The following GALNTL6 variants were observed in gnomAD, a reference collection of about 807,000 sequenced individuals.
GALNTL6 encodes polypeptide N-acetylgalactosaminyltransferase-like 6.
Under a neutral mutation model 73.7 loss-of-function variants are expected in GALNTL6, and 46 were observed. The ratio of observed to expected loss-of-function variants is 0.62; its 90% confidence interval spans 0.49 to 0.80. The LOEUF (loss-of-function observed/expected upper bound fraction) is 0.80. Ranked by LOEUF, GALNTL6 falls within the 30% of genes least tolerant of loss-of-function variation. The pLI, the probability that GALNTL6 is intolerant of heterozygous loss-of-function variation, is 0.00. For synonymous variants in GALNTL6, 259 were observed against 263.7 expected (o/e 0.98, Z 0.17); for missense variants, 604 against 755.0 (o/e 0.80, Z 2.34).
chr4:172,924,189 C>G (rs981842092), intron 8 of GALNTL6, among the ~76,000 whole-genome samples: 3 of 152,158 alleles, frequency 2.0e-5, no homozygotes, highest in Admixed American at 2.0e-4. Flanking sequence ...TTCAGCAGCC[C>G]GCTCTGCCTC....
chr4:171,852,140 A>G (rs1245605704), intron 2 of GALNTL6, among the ~76,000 whole-genome samples: 2 of 152,220 alleles, frequency 1.3e-5, no homozygotes, highest in African/African-American at 4.8e-5. Context: ...TGAAATACAT[A>G]CAGACTCAAA....
At chr4:171,974,832 A>G (rs1560866903) in intron 2 of GALNTL6, among the ~76,000 whole-genome samples, 1 of 152,198 alleles carries the variant, frequency 6.6e-6, no homozygotes, top group South Asian at 2.1e-4. Flanking sequence ...TCATTCATTC[A>G]TCATTTTTAG....
intron 5 of GALNTL6, among the ~76,000 whole-genome samples, chr4:172,397,101 T>C (rs335991): frequency 6.6e-6 from 1 of 152,032 alleles, no homozygotes; most frequent in South Asian, 2.1e-4. Flanking sequence ...TATATATATA[T>C]GTGTTTGTTC....
intron 2 of GALNTL6, among the ~76,000 whole-genome samples, chr4:172,172,967 G>T (rs1734880483): frequency 6.6e-6 from 1 of 152,174 alleles, no homozygotes; most frequent in Non-Finnish European, 1.5e-5. Context: ...TTAACGGGAG[G>T]TCAAGTTCTC....
At chr4:172,684,664 G>T (rs759772602) in intron 5 of GALNTL6, among the ~76,000 whole-genome samples, 3 of 152,194 alleles carry the variant, frequency 2.0e-5, no homozygotes, top group Non-Finnish European at 4.4e-5. Flanking sequence ...AACAGATGGA[G>T]TCAAGACTGA....
intron 5 of GALNTL6, among the ~76,000 whole-genome samples, chr4:172,752,384 AT>A (rs1457903526): frequency 2.0e-5 from 3 of 152,056 alleles, no homozygotes; most frequent in Admixed American, 6.6e-5. Flanking sequence ...TACTTCCTTC[AT>A]TTTTTCCCCT....
At chr4:173,029,867 C>T (rs1753384375) in intron 12 of GALNTL6, among the ~76,000 whole-genome samples, 1 of 152,144 alleles carries the variant, frequency 6.6e-6, no homozygotes, top group African/African-American at 2.4e-5. Flanking sequence ...TTTGTTTCAT[C>T]CACAGATTGG....
chr4:172,915,147 C>A (rs1348455773), intron 8 of GALNTL6, among the ~76,000 whole-genome samples: 1 of 152,186 alleles, frequency 6.6e-6, no homozygotes, highest in Non-Finnish European at 1.5e-5. Context: ...TCCTGAATGA[C>A]TACTGGGTAC....
At chr4:172,168,086 G>A (rs1734689674) in intron 2 of GALNTL6, among the ~76,000 whole-genome samples, 1 of 152,070 alleles carries the variant, frequency 6.6e-6, no homozygotes, top group African/African-American at 2.4e-5. Context: ...CACATTTGGT[G>A]AGAACTCTAT....
At chr4:172,083,313 T>A (rs867575326) in intron 2 of GALNTL6, among the ~76,000 whole-genome samples, 3 of 152,280 alleles carry the variant, frequency 2.0e-5, no homozygotes, top group African/African-American at 7.2e-5. Context: ...TTTATACATA[T>A]TAGATCCTGT....
At chr4:172,300,664 A>G (rs1033369579) in intron 3 of GALNTL6, among the ~76,000 whole-genome samples, 6 of 152,146 alleles carry the variant, frequency 3.9e-5, no homozygotes, top group Admixed American at 2.6e-4. Context: ...TTCTGGGTTG[A>G]AAATTCTTTC....
chr4:172,176,182 T>C lies in GALNTL6; in HGVS notation c.139-53474T>C, dbSNP rs538861049. Among the ~76,000 whole-genome samples, 1,288 of 150,340 alleles carry C rather than the reference T, an allele frequency of 8.6e-3. 23 individuals are homozygous for C. Among genetic ancestry groups the C allele is most frequent in the African/African-American group, 0.03 (1,231 of 40,914 alleles). ...GTGAAACCCCATCTCTACTAAAAAA[T>C]ACAAAAAATTAGCCGGGCGAGGTGG... is the stretch of plus-strand genomic sequence containing the variant. On this transcript the variant is annotated intron_variant, in intron 2 of 12. Coordinates refer to ENST00000506823, the MANE Select transcript of GALNTL6 (RefSeq NM_001034845.3).
At chr4:172,287,504 C>T (rs2134661) in intron 3 of GALNTL6, among the ~76,000 whole-genome samples, 58,615 of 152,076 alleles carry the variant, frequency 0.39, 12,418 homozygotes, top group South Asian at 0.55. Context: ...TTATAATTTA[C>T]AACAAATTAT....
At chr4:172,585,436 G>A (rs894743668) in intron 5 of GALNTL6, among the ~76,000 whole-genome samples, 10 of 152,154 alleles carry the variant, frequency 6.6e-5, no homozygotes, top group Non-Finnish European at 1.3e-4. Context: ...GCCCCAGTGT[G>A]TGATGTTCCC....
rs377022971 is a variant in GALNTL6 at position 172,871,718 on chromosome 4, CAAT to C, written c.924-11071_924-11069del. 4.6e-5 allele frequency among the ~76,000 whole-genome samples: 7 copies of C among 151,704 alleles called. No individual in the cohort carries two copies. In the East Asian group the frequency reaches 9.7e-4, roughly 21 times the overall value. Reference sequence around the variant, plus strand: ...CAAGGCAAATGGTACAATTCTTTCTCAATGATCAGTTTGGAGATACTGGTAAAG... The same window carrying C: ...CAAGGCAAATGGTACAATTCTTTCTCGATCAGTTTGGAGATACTGGTAAAG... On this transcript the variant is annotated intron_variant, in intron 7 of 12. Transcript: ENST00000506823.
chr4:172,331,333 G>C (rs1741117850), intron 4 of GALNTL6, among the ~76,000 whole-genome samples: 1 of 151,816 alleles, frequency 6.6e-6, no homozygotes, highest in South Asian at 2.1e-4. Flanking sequence ...AGGCTGGAGT[G>C]CAGTGGTGCG....
chr4:172,977,657 C>T (rs951298016), intron 10 of GALNTL6, among the ~76,000 whole-genome samples: 2 of 152,088 alleles, frequency 1.3e-5, no homozygotes, highest in African/African-American at 4.8e-5. Context: ...AAGGATGAGA[C>T]AGCAAAGACT....
chr4:172,225,482 C>A, intron 2 of GALNTL6, among the ~76,000 whole-genome samples: 1 of 151,274 alleles, frequency 6.6e-6, no homozygotes, highest in Non-Finnish European at 1.5e-5. Flanking sequence ...AGGTTCCCAA[C>A]CCATAATAAG....
At chr4:172,563,564 G>A (rs1736453788) in intron 5 of GALNTL6, among the ~76,000 whole-genome samples, 1 of 152,170 alleles carries the variant, frequency 6.6e-6, no homozygotes, top group African/African-American at 2.4e-5. Context: ...TATACTCAAA[G>A]ATGAGCATGT....
Sources: gnomAD v4.1 joint callset for allele counts (sites outside exome capture counted in the v4.1 genomes callset) on GRCh38, gnomAD v4.1.1 for gene constraint, MANE v1.5 for transcripts, NCBI Gene and HGNC (gene_info 2026-07-23, HGNC 2026-07-21) for gene names.